The following ATAD2 variants were observed in gnomAD, a reference collection of about 807,000 sequenced individuals.
ATAD2 encodes the protein ATPase family AAA domain containing 2.
A neutral mutation model predicts 168.9 loss-of-function variants in ATAD2; 62 were observed. The observed-to-expected ratio is 0.37, with a 90% CI of 0.30 to 0.45. The LOEUF (loss-of-function observed/expected upper bound fraction) is 0.45, where lower values mean the gene tolerates loss of function less well. Ranked by LOEUF, ATAD2 falls within the 20% of genes least tolerant of loss-of-function variation. The pLI is 1.00. For missense variants in ATAD2, 1,419 were observed against 1,667.8 expected (o/e 0.85, Z 2.60); for synonymous variants, 613 against 571.6 (o/e 1.07, Z -1.03).
chr8:123,339,618 G>A (rs1240216305), intron 19 of ATAD2, among the ~76,000 whole-genome samples, 172 bp from the exon 20 acceptor site: 2 of 151,912 alleles, frequency 1.3e-5, no homozygotes, highest in African/African-American at 4.8e-5. Flanking sequence ...ATATGTCAAG[G>A]AGCATCTATA....
chr8:123,328,346 C>T lies in ATAD2; in HGVS notation c.3712G>A (p.Glu1238Lys). Reference protein sequence around the residue: ...KQQNASESKLELRNNSNTCNI... With the variant: ...KQQNASESKLKLRNNSNTCNI... Reference sequence around the variant, plus strand: ...CAAGTATTTGAATTATTTCTCAATTCCAGTTTGCTTTCAGAGGCATTTTGC... The same window carrying T: ...CAAGTATTTGAATTATTTCTCAATTTCAGTTTGCTTTCAGAGGCATTTTGC... Residue 1238 changes from glutamate (E) to lysine (K), a missense_variant, in exon 25 of 28, where the codon GAA (glutamate) becomes AAA (lysine). By Grantham distance (56) the Glu-to-Lys change is moderately conservative. Coordinates refer to ENST00000287394, the MANE Select transcript of ATAD2 (RefSeq NM_014109.4). The T allele has an allele frequency of 6.2e-7, 1 of 1,605,800 alleles. No individual in the cohort carries two copies. Among genetic ancestry groups the T allele is most frequent in the Non-Finnish European group, 8.5e-7 (1 of 1,177,452 alleles).
intron 20 of ATAD2, 94 bp from the exon 21 acceptor site, chr8:123,337,915 A>G: frequency 8.5e-7 from 1 of 1,178,346 alleles, no homozygotes; most frequent in Non-Finnish European, 1.2e-6. Context: ...TTGAGGGATT[A>G]TCTTCCTCAT....
intron 24 of ATAD2, among the ~76,000 whole-genome samples, chr8:123,332,865 TAA>T (rs1273590601): frequency 6.6e-6 from 1 of 152,014 alleles, no homozygotes. Flanking sequence ...TATTCTTGCT[TAA>T]AGCTGATTTG....
At chr8:123,341,844 A>G (rs563556463) in intron 19 of ATAD2, among the ~76,000 whole-genome samples, 18 of 152,256 alleles carry the variant, frequency 1.2e-4, no homozygotes, top group Non-Finnish European at 2.1e-4. Context: ...GAAAATAAGA[A>G]AACAGGCCGA....
At chr8:123,325,099 CTTTT>C (rs761145398) in intron 26 of ATAD2, among the ~76,000 whole-genome samples, 14 of 115,014 alleles carry the variant, frequency 1.2e-4, no homozygotes, top group South Asian at 2.8e-4. Context: ...AGTAATAATT[CTTTT>C]TTTTTTTTTT....
At chr8:123,404,324 T>A (rs1392709794) in intron 1 of ATAD2, among the ~76,000 whole-genome samples, 2 of 152,004 alleles carry the variant, frequency 1.3e-5, no homozygotes, top group East Asian at 3.9e-4. Flanking sequence ...CAACAGAAAT[T>A]TATTCTCTGA....
At chr8:123,356,563 T>C (rs1458146992) in intron 12 of ATAD2, 86 bp from the exon 13 acceptor site, 2 of 833,266 alleles carry the variant, frequency 2.4e-6, no homozygotes, top group Non-Finnish European at 3.6e-6. Flanking sequence ...TAAATTCTCA[T>C]TCAAATATGC....
chr8:123,356,233 T>A, intron 13 of ATAD2, 156 bp downstream of exon 13: 2 of 448,564 alleles, frequency 4.5e-6, no homozygotes, highest in Non-Finnish European at 7.7e-6. Context: ...ACCATCCACA[T>A]TTTTTATTTT....
Position 123,324,796 on chromosome 8 carries a change from G to T in ATAD2, c.4002+1097C>A, listed in dbSNP as rs114184967. ...GATGTCATTTTATTACAGTGGTTAG[G>T]ATGAAAATTGAATTTAGGGGAACAG... On this transcript the variant is annotated intron_variant, in intron 26 of 27. Transcript: ENST00000287394. Among the ~76,000 whole-genome samples, 1,016 of 152,300 alleles carry T rather than the reference G, an allele frequency of 6.7e-3. 9 individuals are homozygous for T. Among genetic ancestry groups the T allele is most frequent in the African/African-American group, 0.023 (954 of 41,550 alleles).
chr8:123,409,222 G>A (rs2130044076), intron 1 of ATAD2, among the ~76,000 whole-genome samples: 1 of 152,188 alleles, frequency 6.6e-6, no homozygotes, highest in Middle Eastern at 3.4e-3. Flanking sequence ...GTAAGGTATG[G>A]TACACAGCAG....
intron 8 of ATAD2, among the ~76,000 whole-genome samples, chr8:123,368,592 T>C (rs1829047561): frequency 6.6e-6 from 1 of 152,044 alleles, no homozygotes; most frequent in Non-Finnish European, 1.5e-5. Context: ...AATTATAAAA[T>C]AGATCCAGAA....
At chr8:123,411,674 G>C (rs1813162042) in intron 1 of ATAD2, among the ~76,000 whole-genome samples, 1 of 152,122 alleles carries the variant, frequency 6.6e-6, no homozygotes, top group African/African-American at 2.4e-5. Flanking sequence ...CCAGGCATTT[G>C]AGCTGGCAAC....
In ATAD2 at chr8:123,344,937, G is replaced by C; in HGVS notation, c.2665C>G (p.Pro889Ala). ...TLLQNIPSFAPVLLLATSDKP... is the reference protein window; with the variant it reads ...TLLQNIPSFAAVLLLATSDKP... ...TCAGAAGTTGCAAGTAGTAAAACTG[G>C]AGCAAATGAAGGAATATTCTGTAAT... Residue 889 changes from proline to alanine, a missense_variant, in exon 19 of 28, where the codon CCA becomes GCA. Pro to Ala is a conservative substitution (Grantham distance 27, BLOSUM62 -1). Coordinates refer to ENST00000287394, the MANE Select transcript of ATAD2 (RefSeq NM_014109.4). 1 of 1,614,116 alleles carries C rather than the reference G, an allele frequency of 6.2e-7. No homozygotes were observed. The highest frequency in any genetic ancestry group is 8.5e-7 in the Non-Finnish European group (1 of 1,180,000).
intron 7 of ATAD2, 67 bp downstream of exon 7, chr8:123,369,752 CAG>C: frequency 7.6e-7 from 1 of 1,317,578 alleles, no homozygotes; most frequent in Admixed American, 1.9e-5. Context: ...ACAAGAATAA[CAG>C]AGAAGAAACA....
chr8:123,365,412 C>G (rs1337221032), intron 8 of ATAD2, among the ~76,000 whole-genome samples: 1 of 152,030 alleles, frequency 6.6e-6, no homozygotes, highest in Non-Finnish European at 1.5e-5. Context: ...TCATTCTTCA[C>G]AGAACTAGAA....
At chr8:123,380,507 G>A in intron 2 of ATAD2, 22 bp downstream of exon 2, 2 of 1,609,608 alleles carry the variant, frequency 1.2e-6, no homozygotes, top group Non-Finnish European at 1.7e-6. Context: ...TTTTGAATTA[G>A]TGTTCAACCA....
Position 123,396,196 on chromosome 8 carries a change from G to A in ATAD2, c.162C>T (p.Ala54=). Residue 54 remains alanine (A), a synonymous_variant, in exon 1 of 28, where the codon GCC becomes GCT. Transcript: ENST00000287394. ...AAQKKPAATT[A]KAGDGSSVKE... ...TCAGGCCCGTACTCACGCCCGCTTTGGCTGTGGTCGCCGCGGGTTTCTTCT... is the reference window on the plus strand; with the variant it reads ...TCAGGCCCGTACTCACGCCCGCTTTAGCTGTGGTCGCCGCGGGTTTCTTCT... 1.9e-6 allele frequency: 3 copies of A among 1,578,728 alleles called. No homozygotes were observed. Among genetic ancestry groups the A allele is most frequent in the South Asian group, 1.1e-5 (1 of 87,618 alleles).
In ATAD2 at chr8:123,409,970, C is replaced by T. The variant is rs532139920; in HGVS notation, c.-2282+6278G>A. ...AAAAAAAAAAAAAGCATTAAAAGCA[C>T]ATCCTTCCAATAAAAAAAGCTTTAA... On this transcript the variant is annotated intron_variant, in intron 1 of 28. Coordinates refer to the ATAD2 transcript ENST00000521903. 3.1e-3 allele frequency among the ~76,000 whole-genome samples: 464 copies of T among 147,330 alleles called. 2 individuals are homozygous for T. Among genetic ancestry groups the T allele is most frequent in the African/African-American group, 0.011 (436 of 40,142 alleles).
chr8:123,358,169 T>C (rs143468767), intron 11 of ATAD2, among the ~76,000 whole-genome samples: 11 of 152,296 alleles, frequency 7.2e-5, no homozygotes, highest in African/African-American at 2.2e-4. Flanking sequence ...GTAAATGTTA[T>C]TTAATATTAA....
Sources: gnomAD v4.1 joint callset for allele counts (sites outside exome capture counted in the v4.1 genomes callset) on GRCh38, gnomAD v4.1.1 for gene constraint, MANE v1.5 for transcripts, NCBI Gene and HGNC (gene_info 2026-07-23, HGNC 2026-07-21) for gene names.